Variants in ZDBF2 observed in about 807,000 individuals in gnomAD.
The protein encoded by ZDBF2 is DBF4-type zinc finger-containing protein 2.
In ZDBF2, 6 loss-of-function variants were observed where a neutral mutation model predicts 9.4. The ratio of observed to expected loss-of-function variants is 0.64; its 90% CI spans 0.35 to 1.27. The LOEUF (loss-of-function observed/expected upper bound fraction) is 1.27. Ranked by LOEUF, ZDBF2 falls within the 50% of genes most tolerant of loss-of-function variation. The pLI, the probability that ZDBF2 is intolerant of heterozygous loss-of-function variation, is 0.03. For synonymous variants in ZDBF2, 905 were observed against 946.3 expected (o/e 0.96, Z 0.80); for missense variants, 2,697 against 2,766.8 (o/e 0.97, Z 0.57).
At chr2:206,284,831 C>T (rs972911824) in intron 3 of ZDBF2, among the ~76,000 whole-genome samples, 1 of 152,158 alleles carries the variant, frequency 6.6e-6, no homozygotes, top group African/African-American at 2.4e-5. Flanking sequence ...TGGGTTCAAG[C>T]AATTCTCCTG....
chr2:206,275,211 C>T (rs983724712), intron 1 of ZDBF2, among the ~76,000 whole-genome samples: 4 of 152,062 alleles, frequency 2.6e-5, no homozygotes, highest in African/African-American at 7.2e-5. Flanking sequence ...CGCTTCTGTC[C>T]GGGGCCCTGG....
intron 4 of ZDBF2, among the ~76,000 whole-genome samples, chr2:206,302,662 A>G (rs1296864856): frequency 6.6e-6 from 1 of 152,218 alleles, no homozygotes; most frequent in Non-Finnish European, 1.5e-5. Flanking sequence ...GTTGCACTGC[A>G]GTGTCATTGT....
Position 206,305,659 on chromosome 2 carries a change from G to A in ZDBF2, c.1131G>A (p.Gln377=). 1.2e-6 allele frequency: 2 copies of A among 1,613,654 alleles called. No individual in the cohort carries two copies. The highest frequency in any genetic ancestry group is 1.1e-5 in the South Asian group (1 of 91,046). Residue 377 remains glutamine, a synonymous_variant, in exon 5 of 5, where the codon CAG becomes CAA. Transcript: ENST00000374423. ...DCISLQSASD[Q]PQETAQDLSL... ...TCTCTCTTCAGTCAGCATCTGATCA[G>A]CCCCAAGAGACTGCACAAGACTTAA...
rs762314179 is a variant in ZDBF2, at chr2:206,310,193, C to T, written c.5665C>T (p.Pro1889Ser). 2 of 1,613,902 alleles carry T rather than the reference C, an allele frequency of 1.2e-6. No individual in the cohort carries two copies. Among genetic ancestry groups the T allele is most frequent in the South Asian group, 2.2e-5 (2 of 91,072 alleles). Residue 1889 changes from proline to serine, a missense_variant, in exon 5 of 5, where the codon CCA (proline) becomes TCA (serine). Transcript: ENST00000374423. The part of the protein sequence containing the change: ...ADLQGKEDTA[P>S]TQAVSESDDI... Reference sequence around the variant, plus strand: ...CTTGCAAGGTAAGGAGGACACTGCACCAACTCAAGCTGTGTCAGAGAGTGA... The same window carrying T: ...CTTGCAAGGTAAGGAGGACACTGCATCAACTCAAGCTGTGTCAGAGAGTGA...
At position 206,312,912 on chromosome 2, in the gene ZDBF2, A is replaced by C. The variant is rs1395845248; in HGVS notation, c.*1319A>C. The C allele has an allele frequency of 6.6e-6, 1 of 152,230 alleles. No individual in the cohort carries two copies. Among genetic ancestry groups the C allele is most frequent in the Non-Finnish European group, 1.5e-5 (1 of 68,038 alleles). The allele number at this position is 152,230 out of a possible 1,614,324, so 9.4% of individuals were successfully genotyped here. A position where few individuals can be genotyped will look rare whatever the true frequency, so the allele number is the denominator to read the frequency against. On this transcript the variant is annotated 3_prime_UTR_variant, in exon 5 of 5. Coordinates refer to ENST00000374423, the MANE Select transcript of ZDBF2 (RefSeq NM_020923.3). ...TTTAACTATTTGTTAACAGATTTTA[A>C]CAGTTCAAATGAAAGATGTTAACGA...
chr2:206,291,546 G>A (rs1201889611), intron 3 of ZDBF2, among the ~76,000 whole-genome samples: 3 of 152,150 alleles, frequency 2.0e-5, no homozygotes, highest in South Asian at 2.1e-4. Context: ...TATTGAAGAT[G>A]TCGCTACTGT....
intron 1 of ZDBF2, among the ~76,000 whole-genome samples, chr2:206,276,641 T>A (rs1416276437): frequency 6.6e-6 from 1 of 152,228 alleles, no homozygotes; most frequent in African/African-American, 2.4e-5. Context: ...ACATCTCAGT[T>A]ACGCTGGTTA....
chr2:206,309,788 C>T lies in ZDBF2; in HGVS notation c.5260C>T (p.Pro1754Ser). The T allele has an allele frequency of 1.2e-6, 2 of 1,613,888 alleles. No homozygotes were observed. The highest frequency in any genetic ancestry group is 1.7e-6 in the Non-Finnish European group (2 of 1,179,866). ...TTTTGAGATGAATTTTCAGTGTGCT[C>T]CCCCTCTTCCATCTGATACTGATCA... Reference protein sequence around the residue: ...DGFEMNFQCAPPLPSDTDQPQ... With the variant: ...DGFEMNFQCASPLPSDTDQPQ... Residue 1754 changes from proline to serine, a missense_variant, in exon 5 of 5, where the codon CCC becomes TCC. This residue lies in a region of ZDBF2 where 1,783 missense variants were observed against 1,776.5 expected (regional missense o/e 1.00). Transcript: ENST00000374423.
At position 206,310,110 on chromosome 2, in the gene ZDBF2, A is replaced by T; in HGVS notation, c.5582A>T (p.Asp1861Val). Residue 1861 changes from aspartate (D) to valine (V), a missense_variant, in exon 5 of 5, where the codon GAT (aspartate) becomes GTT (valine). Asp to Val is a radical substitution (Grantham distance 152). Coordinates refer to ENST00000374423, the MANE Select transcript of ZDBF2 (RefSeq NM_020923.3). ...REGRFHCYFD[D>V]DCETKKVSSK... ...GGTCGTTTCCACTGTTACTTTGATG[A>T]TGACTGTGAGACCAAAAAAGTTTCT... The T allele has an allele frequency of 6.2e-7, 1 of 1,613,672 alleles. No individual in the cohort carries two copies. Among genetic ancestry groups the T allele is most frequent in the Non-Finnish European group, 8.5e-7 (1 of 1,179,820 alleles).
chr2:206,309,653 G>A lies in ZDBF2; in HGVS notation c.5125G>A (p.Ala1709Thr). The A allele has an allele frequency of 6.2e-7, 1 of 1,613,908 alleles. No homozygotes were observed. The highest frequency in any genetic ancestry group is 1.7e-4 in the Middle Eastern group (1 of 6,058). The change falls in exon 5 of 5, where the codon GCA (alanine) becomes ACA (threonine). Residue 1709 changes from alanine to threonine, a missense_variant. Physicochemically the swap from Ala to Thr is moderately conservative, Grantham distance 58. Transcript: ENST00000374423. ...KGKSCQSSAS[A>T]VDFGASSKSA... is the part of the protein sequence containing the mutation. The stretch of plus-strand genomic sequence containing the variant: ...TAAGAGCTGTCAGTCTAGTGCTTCT[G>A]CAGTGGATTTTGGTGCCTCTTCCAA...
intron 4 of ZDBF2, among the ~76,000 whole-genome samples, chr2:206,299,748 C>G (rs899719439): frequency 4.6e-5 from 7 of 152,046 alleles, no homozygotes; most frequent in Admixed American, 1.3e-4. Flanking sequence ...GACCTCCCCC[C>G]CGCCCGTGAA....
chr2:206,289,984 T>C (rs947532833), intron 3 of ZDBF2, among the ~76,000 whole-genome samples: 1 of 152,232 alleles, frequency 6.6e-6, no homozygotes. Context: ...TCTGATGCAC[T>C]CCATTGCCCT....
In ZDBF2 at chr2:206,311,756, T is replaced by C; in HGVS notation, c.*163T>C. On this transcript the variant is annotated 3_prime_UTR_variant, in exon 5 of 5. Transcript: ENST00000374423. ...AATTTTTATATTCATTTAAAATTAGTGTTTAGAGTCCTTTCATTTTAAGAT... is the reference window on the plus strand; with the variant it reads ...AATTTTTATATTCATTTAAAATTAGCGTTTAGAGTCCTTTCATTTTAAGAT... The C allele has an allele frequency of 2.9e-6, 2 of 682,108 alleles. No individual in the cohort carries two copies. The allele number at this position is 682,108 out of a possible 1,614,324, so 42.3% of individuals were successfully genotyped here.
intron 3 of ZDBF2, among the ~76,000 whole-genome samples, chr2:206,286,353 G>C (rs1481232569): frequency 1.3e-5 from 2 of 151,976 alleles, no homozygotes; most frequent in Non-Finnish European, 2.9e-5. Context: ...AGGTGCTCTG[G>C]TATTGAGTAC....
intron 3 of ZDBF2, among the ~76,000 whole-genome samples, chr2:206,283,170 T>C (rs566464045): frequency 2.6e-5 from 4 of 152,382 alleles, no homozygotes; most frequent in African/African-American, 9.6e-5. Flanking sequence ...AGTGCTGCTA[T>C]GGATATATGT....
chr2:206,297,475 G>A (rs544739247), intron 4 of ZDBF2, 102 bp downstream of exon 4: 125 of 1,146,214 alleles, frequency 1.1e-4, no homozygotes, highest in Admixed American at 2.0e-4. Context: ...TTTGAGTCAA[G>A]GAATATAAAG....
At chr2:206,284,321 A>G (rs1272586027) in intron 3 of ZDBF2, among the ~76,000 whole-genome samples, 2 of 152,096 alleles carry the variant, frequency 1.3e-5, no homozygotes, top group African/African-American at 4.8e-5. Context: ...TATTATTTTT[A>G]TAATTATACA....
chr2:206,310,082 G>A lies in ZDBF2; in HGVS notation c.5554G>A (p.Glu1852Lys), dbSNP rs1307392550. ...TAATGCTCTGGTGAAGGAGTTTAGG[G>A]AAGGTCGTTTCCACTGTTACTTTGA... ...KINALVKEFR[E>K]GRFHCYFDDD... The change falls in exon 5 of 5, where the codon GAA (glutamate) becomes AAA (lysine). Residue 1852 changes from glutamate to lysine, a missense_variant. Transcript: ENST00000374423. The A allele has an allele frequency of 6.2e-7, 1 of 1,613,866 alleles. No homozygotes were observed. The highest frequency in any genetic ancestry group is 1.7e-5 in the Admixed American group (1 of 59,998).
chr2:206,310,862 G>A lies in ZDBF2; in HGVS notation c.6334G>A (p.Ala2112Thr), dbSNP rs756882431. Reference protein sequence around the residue: ...SASAPLMAVPARYGFNSHQGT... With the variant: ...SASAPLMAVPTRYGFNSHQGT... The stretch of plus-strand genomic sequence containing the variant: ...TTCAGCGCCTTTAATGGCAGTGCCG[G>A]CAAGATATGGATTTAATTCACATCA... The change falls in exon 5 of 5, where the codon GCA becomes ACA. Residue 2112 changes from alanine (A) to threonine (T), a missense_variant. By Grantham distance (58) the Ala-to-Thr change is moderately conservative (BLOSUM62 0). Coordinates refer to ENST00000374423, the MANE Select transcript of ZDBF2 (RefSeq NM_020923.3). 6.2e-7 allele frequency: 1 copy of A among 1,613,866 alleles called. No homozygotes were observed. Among genetic ancestry groups the A allele is most frequent in the Non-Finnish European group, 8.5e-7 (1 of 1,179,896 alleles).
Sources: allele counts gnomAD v4.1 joint callset (sites outside exome capture counted in the v4.1 genomes callset), GRCh38; gene constraint gnomAD v4.1.1; regional missense constraint gnomAD v4.1.1; transcripts MANE v1.5; gene names NCBI Gene and HGNC (gene_info 2026-07-23, HGNC 2026-07-21).